Variants in ZMAT4 observed in about 807,000 individuals in gnomAD.
ZMAT4 encodes zinc finger matrin-type protein 4.
Under a neutral mutation model 28.7 loss-of-function variants are expected in ZMAT4, and 17 were observed. That is an observed-to-expected ratio of 0.59 (90% CI 0.41 to 0.89). ZMAT4 has a LOEUF of 0.89. Among genes scored for constraint, ZMAT4 ranks in the 40% least tolerant of loss-of-function variants. The pLI is 0.00. For missense variants in ZMAT4, 240 were observed against 283.8 expected (o/e 0.85, Z 1.11); for synonymous variants, 117 against 109.2 (o/e 1.07, Z -0.44).
At chr8:40,616,627 A>C (rs1248629408) in intron 5 of ZMAT4, among the ~76,000 whole-genome samples, 1 of 152,158 alleles carries the variant, frequency 6.6e-6, no homozygotes, top group African/African-American at 2.4e-5. Context: ...TGAGCAAACT[A>C]TCACAAGGAC....
chr8:40,728,701 A>G (rs554105547), intron 3 of ZMAT4, among the ~76,000 whole-genome samples: 1 of 152,308 alleles, frequency 6.6e-6, no homozygotes, highest in Non-Finnish European at 1.5e-5. Context: ...AATGTAATTT[A>G]CACATGCACA....
intron 1 of ZMAT4, among the ~76,000 whole-genome samples, chr8:40,853,915 G>T (rs1040867773): frequency 1.3e-5 from 2 of 152,134 alleles, no homozygotes; most frequent in African/African-American, 4.8e-5. Context: ...AGGTTGATTT[G>T]GCTCATGTTT....
At chr8:40,671,561 C>CA (rs1808670132) in intron 5 of ZMAT4, among the ~76,000 whole-genome samples, 1 of 152,096 alleles carries the variant, frequency 6.6e-6, no homozygotes, top group Non-Finnish European at 1.5e-5. Flanking sequence ...ATAAGCCAGA[C>CA]ACACAAGAAA....
intron 5 of ZMAT4, among the ~76,000 whole-genome samples, chr8:40,616,743 G>T (rs970913392): frequency 2.0e-5 from 3 of 152,048 alleles, no homozygotes; most frequent in Non-Finnish European, 2.9e-5. Flanking sequence ...CCGTGGGTTG[G>T]GGGGAGGGAG....
At chr8:40,559,136 T>G (rs994233967) in intron 6 of ZMAT4, among the ~76,000 whole-genome samples, 1 of 152,142 alleles carries the variant, frequency 6.6e-6, no homozygotes, top group African/African-American at 2.4e-5. Context: ...ACTGACTAAC[T>G]GAGTCCTCCT....
At position 40,621,771 on chromosome 8, in the gene ZMAT4, T is replaced by C. The variant is rs921481; in HGVS notation, c.578-40510A>G. ...TTTTCTCTTTGTGAAATGAATGACT[T>C]GGACCAGATCTGTGAGAGCCACTCA... On this transcript the variant is annotated intron_variant, in intron 5 of 6. Coordinates refer to ENST00000297737, the MANE Select transcript of ZMAT4 (RefSeq NM_024645.3). Among the ~76,000 whole-genome samples the C allele has an allele frequency of 2.4e-3, 363 of 152,318 alleles. 3 individuals are homozygous for C. The highest frequency in any genetic ancestry group is 8.2e-3 in the African/African-American group (341 of 41,590).
Position 40,638,912 on chromosome 8 carries a change from C to T in ZMAT4, c.577+35792G>A, listed in dbSNP as rs928733992. ...CAACAGAAAAGCTTTTGTGAGTTTA[C>T]GATAGTTGCAATCAGTCTAATACAT... On this transcript the variant is annotated intron_variant, in intron 5 of 6. Transcript: ENST00000297737. Among the ~76,000 whole-genome samples, 10 of 152,324 alleles carry T rather than the reference C, an allele frequency of 6.6e-5. No individual in the cohort carries two copies. In the South Asian group the frequency reaches 1.2e-3, roughly 19 times the overall value.
intron 1 of ZMAT4, among the ~76,000 whole-genome samples, chr8:40,858,473 T>C (rs1414685631): frequency 2.0e-5 from 3 of 152,172 alleles, no homozygotes; most frequent in African/African-American, 7.2e-5. Flanking sequence ...GATCCTAAGA[T>C]TGACAGGTTT....
At chr8:40,738,892 C>T (rs1269022586) in intron 3 of ZMAT4, among the ~76,000 whole-genome samples, 2 of 152,106 alleles carry the variant, frequency 1.3e-5, no homozygotes, top group Non-Finnish European at 2.9e-5. Context: ...ATTAAATGTA[C>T]ACAAAACGTA....
At chr8:40,701,670 C>T (rs930491447) in intron 3 of ZMAT4, among the ~76,000 whole-genome samples, 1 of 151,738 alleles carries the variant, frequency 6.6e-6, no homozygotes, top group Non-Finnish European at 1.5e-5. Context: ...GGTGCACACC[C>T]TATGCCTGGC....
intron 1 of ZMAT4, among the ~76,000 whole-genome samples, chr8:40,897,110 A>G (rs1818904124): frequency 6.6e-6 from 1 of 151,990 alleles, no homozygotes; most frequent in Non-Finnish European, 1.5e-5. Flanking sequence ...GGTGCCCACC[A>G]GGTCAAACAG....
chr8:40,569,441 T>C (rs1225859139), intron 6 of ZMAT4, among the ~76,000 whole-genome samples: 2 of 152,198 alleles, frequency 1.3e-5, no homozygotes, highest in East Asian at 3.9e-4. Flanking sequence ...TTTAATTTCT[T>C]ATAAAATTTG....
intron 5 of ZMAT4, among the ~76,000 whole-genome samples, chr8:40,586,384 AAC>A (rs1057477839): frequency 6.6e-6 from 1 of 152,180 alleles, no homozygotes; most frequent in African/African-American, 2.4e-5. Flanking sequence ...GTGTTAGAAA[AAC>A]ATAGTTCCTA....
chr8:40,757,277 T>C (rs1045889163), intron 3 of ZMAT4, among the ~76,000 whole-genome samples: 6 of 152,144 alleles, frequency 3.9e-5, no homozygotes, highest in African/African-American at 1.4e-4. Context: ...GTGCCAGTAC[T>C]GATGGGAGGT....
intron 1 of ZMAT4, among the ~76,000 whole-genome samples, chr8:40,889,944 A>T (rs531475623): frequency 4.6e-5 from 7 of 152,242 alleles, no homozygotes; most frequent in Non-Finnish European, 1.0e-4. Context: ...ATCTCATTTC[A>T]CATATCCACC....
intron 1 of ZMAT4, among the ~76,000 whole-genome samples, chr8:40,881,408 A>G (rs1314815525): frequency 2.0e-5 from 3 of 146,618 alleles, no homozygotes; most frequent in East Asian, 2.0e-4. Context: ...GAGAGAGAGA[A>G]AGAAAGGAAG....
At chr8:40,669,320 A>G (rs1233625701) in intron 5 of ZMAT4, among the ~76,000 whole-genome samples, 1 of 152,120 alleles carries the variant, frequency 6.6e-6, no homozygotes, top group East Asian at 1.9e-4. Context: ...TATATGATAC[A>G]GATACTGAAA....
intron 3 of ZMAT4, among the ~76,000 whole-genome samples, chr8:40,756,428 A>T (rs1244640906): frequency 5.9e-5 from 3 of 50,548 alleles, no homozygotes; most frequent in African/African-American, 1.2e-4. Context: ...ATGTTCTTTT[A>T]TATATATATA....
At chr8:40,886,437 G>A (rs561099819) in intron 1 of ZMAT4, among the ~76,000 whole-genome samples, 7 of 152,320 alleles carry the variant, frequency 4.6e-5, no homozygotes, top group Non-Finnish European at 7.4e-5. Flanking sequence ...GTGAGTGGAC[G>A]GTGCAGCACA....
Sources: allele counts gnomAD v4.1 joint callset (sites outside exome capture counted in the v4.1 genomes callset), GRCh38; gene constraint gnomAD v4.1.1; transcripts MANE v1.5; gene names NCBI Gene and HGNC (gene_info 2026-07-23, HGNC 2026-07-21).